The following TSC1 variants were observed in gnomAD, a reference collection of about 807,000 sequenced individuals.
The protein encoded by TSC1 is TSC complex subunit 1, also known as hamartin.
Under a neutral mutation model 124.3 loss-of-function variants are expected in TSC1, and 20 were observed. That is an observed-to-expected ratio of 0.16 (90% confidence interval 0.11 to 0.23). TSC1 has a LOEUF of 0.23. Ranked by LOEUF, TSC1 falls within the 10% of genes least tolerant of loss-of-function variation. The pLI is 1.00. For missense variants in TSC1, 1,124 were observed against 1,448.5 expected, an observed-to-expected ratio of 0.78 and a Z score of 3.64; for synonymous variants, 493 against 539.1, an observed-to-expected ratio of 0.91 and a Z score of 1.19.
At chr9:132,917,666 T>G (rs1293563597) in intron 8 of TSC1, among the ~76,000 whole-genome samples, 1 of 152,204 alleles carries the variant, frequency 6.6e-6, no homozygotes, top group Non-Finnish European at 1.5e-5. Context: ...AATTGGATGC[T>G]GGGACTTCCT....
rs560373406 is a variant in TSC1, at chr9:132,897,621, A to G, written c.2626-11T>C. The G allele has an allele frequency of 6.3e-7, 1 of 1,579,714 alleles. No individual in the cohort carries two copies. The highest frequency in any genetic ancestry group is 1.2e-5 in the South Asian group (1 of 84,494). On this transcript the variant is annotated splice_polypyrimidine_tract_variant and intron_variant, in intron 20 of 22. Coordinates refer to ENST00000298552, the MANE Select transcript of TSC1 (RefSeq NM_000368.5). ...CATCATTTCTACTTCCTGAAAAAAA[A>G]AAAAAAAAAAGACTGGAATTAGTAC... is the stretch of plus-strand genomic sequence containing the variant.
At chr9:132,917,755 C>A (rs1846341652) in intron 8 of TSC1, among the ~76,000 whole-genome samples, 1 of 152,162 alleles carries the variant, frequency 6.6e-6, no homozygotes, top group Non-Finnish European at 1.5e-5. Context: ...TTACCTATAT[C>A]TCAGAAAAGT....
At chr9:132,932,738 G>C (rs182857819) in intron 2 of TSC1, among the ~76,000 whole-genome samples, 23 of 152,232 alleles carry the variant, frequency 1.5e-4, no homozygotes, top group Non-Finnish European at 2.4e-4. Flanking sequence ...TCTTGCTCAA[G>C]GCCTTTGCAC....
intron 8 of TSC1, among the ~76,000 whole-genome samples, chr9:132,918,139 C>T (rs993670790): frequency 6.6e-6 from 1 of 152,140 alleles, no homozygotes; most frequent in Non-Finnish European, 1.5e-5. Flanking sequence ...ACAGTAAAGA[C>T]TTCTTTGTTT....
chr9:132,903,564 T>C lies in TSC1; in HGVS notation c.2208+87A>G. ...GTGGGAAGGACTGGGAACTCTGACC[T>C]CCTCGGCTGCTGTGCTTTATAAGCT... On this transcript the variant is annotated intron_variant, in intron 17 of 22. Transcript: ENST00000298552. The surrounding 1 kb of genome is among the most constrained non-coding windows in gnomAD (Gnocchi z 5.9). 6.2e-7 allele frequency: 1 copy of C among 1,601,626 alleles called. No individual in the cohort carries two copies. Among genetic ancestry groups the C allele is most frequent in the Non-Finnish European group, 8.5e-7 (1 of 1,172,222 alleles).
At chr9:132,938,868 C>T (rs1443363089) in intron 1 of TSC1, among the ~76,000 whole-genome samples, 1 of 152,194 alleles carries the variant, frequency 6.6e-6, no homozygotes, top group Non-Finnish European at 1.5e-5. Context: ...GGCCTAGACA[C>T]TACCCTCTAC....
Position 132,911,122 on chromosome 9 carries a change from TTAA to T in TSC1, c.1030-12_1030-10del. On this transcript the variant is annotated splice_polypyrimidine_tract_variant and intron_variant, in intron 10 of 22. Transcript: ENST00000298552. ...GGGCTCCAAAGAGTAGCCTGGGAAG[TTAA>T]TAAAGTACATCAGCAGTGGCAAAGG... 1 of 1,605,928 alleles carries T rather than the reference TTAA, an allele frequency of 6.2e-7. No individual in the cohort carries two copies.
rs1564470488 is a variant in TSC1, at chr9:132,896,641, C to G, written c.3089G>C (p.Ser1030Thr). The G allele has an allele frequency of 6.2e-7, 1 of 1,614,012 alleles. No homozygotes were observed. The highest frequency in any genetic ancestry group is 8.5e-7 in the Non-Finnish European group (1 of 1,179,944). Reference protein sequence around the residue: ...TPRPSSARGSSGSRGGGGSSS... With the variant: ...TPRPSSARGSTGSRGGGGSSS... ...GCTGCCTCCACCACCTCTGCTTCCACTACTGCCCCGGGCGCTGCTGGGCCT... is the reference window on the plus strand; with the variant it reads ...GCTGCCTCCACCACCTCTGCTTCCAGTACTGCCCCGGGCGCTGCTGGGCCT... The change falls in exon 23 of 23, where the codon AGT becomes ACT. Residue 1030 changes from serine (S) to threonine (T), a missense_variant. Physicochemically the swap from Ser to Thr is moderately conservative, Grantham distance 58 (BLOSUM62 1). This residue lies in a region of TSC1 where 325 missense variants were observed against 383.4 expected (regional missense o/e 0.85). Coordinates refer to ENST00000298552, the MANE Select transcript of TSC1 (RefSeq NM_000368.5). This position sits in a 1 kb window ranked among gnomAD's most constrained non-coding sequence, Gnocchi z 4.5.
chr9:132,907,058 C>A (rs1845711484), intron 13 of TSC1, among the ~76,000 whole-genome samples: 1 of 152,132 alleles, frequency 6.6e-6, no homozygotes, highest in Admixed American at 6.5e-5. Context: ...ATTCTCAGTT[C>A]TTAATGTCTC....
At chr9:132,937,107 T>C (rs532924473) in intron 1 of TSC1, among the ~76,000 whole-genome samples, 1 of 152,312 alleles carries the variant, frequency 6.6e-6, no homozygotes, top group Admixed American at 6.5e-5. Flanking sequence ...AGGGAGTGCT[T>C]GCCTGGCCAC....
intron 4 of TSC1, chr9:132,926,634 C>G (rs1330930092): frequency 6.3e-6 from 1 of 158,060 alleles, no homozygotes; most frequent in Non-Finnish European, 1.4e-5. Context: ...TGGGCCAAAT[C>G]ATCACTATAC....
rs1282640822 is a variant in TSC1, at chr9:132,906,922, C to T, written c.1334-87G>A. The T allele has an allele frequency of 9.8e-7, 1 of 1,022,646 alleles. No individual in the cohort carries two copies. The highest frequency in any genetic ancestry group is 1.6e-5 in the African/African-American group (1 of 63,186). The allele number at this position is 1,022,646 out of a possible 1,614,324, so 63.3% of individuals were successfully genotyped here. On this transcript the variant is annotated intron_variant, in intron 13 of 22. Coordinates refer to ENST00000298552, the MANE Select transcript of TSC1 (RefSeq NM_000368.5). The surrounding 1 kb of genome is among the most constrained non-coding windows in gnomAD (Gnocchi z 4.1). ...ACTGCTTACACTGTATAGAATATGT[C>T]TGTAATAACTCTTCATGCTGAACAG...
At position 132,920,284 on chromosome 9, in the gene TSC1, A is replaced by G. The variant is rs187926650; in HGVS notation, c.737+1079T>C. ...TTCTCTTAACCAGGCTTTGCCTCCTAGTCAACTAGCTTTTCAAAACAAAGC... is the reference window on the plus strand; with the variant it reads ...TTCTCTTAACCAGGCTTTGCCTCCTGGTCAACTAGCTTTTCAAAACAAAGC... On this transcript the variant is annotated intron_variant, in intron 8 of 22. Coordinates refer to ENST00000298552, the MANE Select transcript of TSC1 (RefSeq NM_000368.5). Among the ~76,000 whole-genome samples the G allele has an allele frequency of 3.3e-5, 5 of 151,826 alleles. No individual in the cohort carries two copies. The East Asian group carries it at 5.8e-4, about 18-fold the overall frequency.
rs998564889 is a variant in TSC1 at position 132,903,504 on chromosome 9, T to C, written c.2208+147A>G. 2.4e-5 allele frequency: 26 copies of C among 1,095,796 alleles called. No homozygotes were observed. In the African/African-American group the frequency reaches 3.7e-4, roughly 16 times the overall value. The allele number at this position is 1,095,796 out of a possible 1,614,324, so 67.9% of individuals were successfully genotyped here. A position where few individuals can be genotyped will look rare whatever the true frequency, so the allele number is the denominator to read the frequency against. On this transcript the variant is annotated intron_variant, in intron 17 of 22. Transcript: ENST00000298552. The surrounding 1 kb of genome is among the most constrained non-coding windows in gnomAD (Gnocchi z 5.9). ...ATGAGGGAATTCCGAGGTGTCACCA[T>C]TCATGTCTTAATCTCAAGCGACCTG... is the stretch of plus-strand genomic sequence containing the variant.
rs763887572 is a variant in TSC1 at position 132,904,408 on chromosome 9, T to C, written c.2041+3A>G. 4.3e-6 allele frequency: 7 copies of C among 1,613,872 alleles called. No individual in the cohort carries two copies. Among genetic ancestry groups the C allele is most frequent in the Admixed American group, 1.7e-5 (1 of 59,988 alleles). On this transcript the variant is annotated splice_donor_region_variant and intron_variant, in intron 16 of 22. Coordinates refer to ENST00000298552, the MANE Select transcript of TSC1 (RefSeq NM_000368.5). ...GGATTTGGAGCTAAAGTAACAACTTTACCTCCAAAGTGGGTCCAGTCGACA... is the reference window on the plus strand; with the variant it reads ...GGATTTGGAGCTAAAGTAACAACTTCACCTCCAAAGTGGGTCCAGTCGACA...
At chr9:132,910,751 GA>G in intron 11 of TSC1, 59 bp from the exon 12 acceptor site, 6 of 1,610,008 alleles carry the variant, frequency 3.7e-6, no homozygotes, top group Admixed American at 1.7e-5. Flanking sequence ...AAAAACTGCC[GA>G]TTTTTTTTCA....
In TSC1 at chr9:132,894,100, C is replaced by G. The variant is rs964206581; in HGVS notation, c.*2135G>C. The G allele has an allele frequency of 4.3e-6, 1 of 233,640 alleles. No homozygotes were observed. 14.5% of individuals were successfully genotyped at this position (233,640 alleles called of 1,614,324 possible). ...TTTGTTATAAAGCTGAGTAAAAGGA[C>G]ACCCAGGCCGCATGGATGAGCTGAG... On this transcript the variant is annotated 3_prime_UTR_variant, in exon 23 of 23. Transcript: ENST00000298552.
chr9:132,936,377 A>G (rs570282380), intron 1 of TSC1, among the ~76,000 whole-genome samples: 1 of 152,302 alleles, frequency 6.6e-6, no homozygotes, highest in East Asian at 1.9e-4. Context: ...AAGGCCTCCC[A>G]AGGTGCTAGT....
chr9:132,901,753 C>T (rs2131713523), intron 18 of TSC1, 54 bp from the exon 19 acceptor site: 2 of 1,542,322 alleles, frequency 1.3e-6, no homozygotes, highest in Admixed American at 1.7e-5. Flanking sequence ...GGCCAGATCA[C>T]AGGCCTACCT....
Sources: allele counts gnomAD v4.1 joint callset (sites outside exome capture counted in the v4.1 genomes callset), GRCh38; gene constraint gnomAD v4.1.1; regional missense constraint gnomAD v4.1.1; non-coding constraint Gnocchi (gnomAD v3.1); transcripts MANE v1.5; gene names NCBI Gene and HGNC (gene_info 2026-07-23, HGNC 2026-07-21).